The following RBM3 variants were observed in gnomAD, a reference collection of about 807,000 sequenced individuals.
The protein encoded by RBM3 is RNA binding motif protein 3, also known as RNA-binding protein 3.
RBM3 carries 3 observed loss-of-function variants against 12.0 expected under a neutral mutation model. That is an observed-to-expected ratio of 0.25 (90% confidence interval 0.11 to 0.65). RBM3 has a LOEUF of 0.65. Among genes scored for constraint, RBM3 ranks in the 30% least tolerant of loss-of-function variants. The probability of loss-of-function intolerance (pLI) is 0.84; values close to 1 mark genes in which losing one functional copy is unlikely to be tolerated. For synonymous variants in RBM3, 58 were observed against 45.7 expected, an observed-to-expected ratio of 1.27 and a Z score of -1.08; for missense variants, 108 against 134.5, an observed-to-expected ratio of 0.80 and a Z score of 0.97.
rs1348654256 is a variant in RBM3 at position 48,575,354 on chromosome X, T to A, written c.103+71T>A. ...GGGATCCTTGCATTTCAAGGAGTAT[T>A]AACTGAAAAGTTAGGACCCACGCCT... On this transcript the variant is annotated intron_variant, in intron 2 of 6. Coordinates refer to ENST00000376759, the MANE Select transcript of RBM3 (RefSeq NM_006743.5). 9 of 1,015,142 alleles carry A rather than the reference T, an allele frequency of 8.9e-6. No homozygotes were observed. The Admixed American group carries it at 2.0e-4, about 23-fold the overall frequency. The allele number at this position is 1,015,142 out of a possible 1,213,427, so 83.7% of individuals were successfully genotyped here. A position where few individuals can be genotyped will look rare whatever the true frequency, so the allele number is the denominator to read the frequency against.
rs2147209508 is a variant in RBM3 at position 48,578,041 on chromosome X, A to G, written c.*600A>G. 1 of 110,436 alleles carries G rather than the reference A, an allele frequency of 9.1e-6. No individual in the cohort carries two copies. Among genetic ancestry groups the G allele is most frequent in the East Asian group, 2.8e-4 (1 of 3,534 alleles). 9.1% of individuals were successfully genotyped at this position (110,436 alleles called of 1,213,427 possible). A position where few individuals can be genotyped will look rare whatever the true frequency, so the allele number is the denominator to read the frequency against. ...GGTTGCAGTGAGCTAAGATCGCGCC[A>G]CTGTACTCCAGCCTGGGCAACAGCG... On this transcript the variant is annotated 3_prime_UTR_variant, in exon 7 of 7. Transcript: ENST00000376759.
At chrX:48,576,717 G>A (rs781900723) in intron 5 of RBM3, 113 bp downstream of exon 5, 70 of 1,060,642 alleles carry the variant, frequency 6.6e-5, no homozygotes, top group Non-Finnish European at 8.5e-5. Flanking sequence ...TACCTAAAAT[G>A]AGTATGAAAT....
intron 3 of RBM3, chrX:48,575,939 C>T (rs1166287731): frequency 1.8e-6 from 1 of 563,424 alleles, no homozygotes; most frequent in East Asian, 3.6e-5. Context: ...AGTCTGCAGA[C>T]CTGTGGGCCT....
At position 48,579,246 on chromosome X, in the gene RBM3, C is replaced by G. The variant is rs782555495; in HGVS notation, c.*1805C>G. On this transcript the variant is annotated 3_prime_UTR_variant, in exon 7 of 7. Coordinates refer to ENST00000376759, the MANE Select transcript of RBM3 (RefSeq NM_006743.5). ...ACAGAAAAATCTGTTGTATTCATGG[C>G]TTTCACCTGGCTAATACTGAGCTAA... 8.9e-6 allele frequency among the ~76,000 whole-genome samples: 1 copy of G among 111,802 alleles called. No individual in the cohort carries two copies. The highest frequency in any genetic ancestry group is 1.9e-5 in the Non-Finnish European group (1 of 53,143).
rs1431772705 is a variant in RBM3, at chrX:48,575,208, G to A, written c.28G>A (p.Val10Met). 1 of 1,207,817 alleles carries A rather than the reference G, an allele frequency of 8.3e-7. No homozygotes were observed. Among genetic ancestry groups the A allele is most frequent in the Non-Finnish European group, 1.1e-6 (1 of 894,295 alleles). The change falls in exon 2 of 7, where the codon GTG (valine) becomes ATG (methionine). Residue 10 changes from valine to methionine, a missense_variant. Val to Met is a conservative substitution (Grantham distance 21). Coordinates refer to ENST00000376759, the MANE Select transcript of RBM3 (RefSeq NM_006743.5). ...GTCCTCTGAAGAAGGAAAGCTCTTC[G>A]TGGGAGGGCTCAACTTTAACACCGA... MSSEEGKLFVGGLNFNTDEQ... is the reference protein window; with the variant it reads MSSEEGKLFMGGLNFNTDEQ...
rs1317169386 is a variant in RBM3, at chrX:48,574,512, C to T, written c.-75C>T. 6.1e-6 allele frequency: 2 copies of T among 329,935 alleles called. No homozygotes were observed. The highest frequency in any genetic ancestry group is 3.1e-5 in the Admixed American group (1 of 32,091). 27.2% of individuals were successfully genotyped at this position (329,935 alleles called of 1,213,427 possible). A position where few individuals can be genotyped will look rare whatever the true frequency, so the allele number is the denominator to read the frequency against. On this transcript the variant is annotated 5_prime_UTR_variant, in exon 1 of 7. Coordinates refer to ENST00000376759, the MANE Select transcript of RBM3 (RefSeq NM_006743.5). ...AATCGTCTTCCGGCGCAGCCCCGTC[C>T]CTGTTTTTTGTGCTCCTCCGAGCTC...
Position 48,576,569 on chromosome X carries a change from A to G in RBM3, c.378A>G (p.Gly126=), listed in dbSNP as rs2062081100. ...RYYDSRPGGY[G]YGYGRSRDYN... ...ATGACAGTCGACCTGGAGGGTATGG[A>G]TATGGATATGGACGTTCCAGAGACT... is the stretch of plus-strand genomic sequence containing the variant. Residue 126 remains glycine (G), a synonymous_variant, in exon 5 of 7, where the codon GGA becomes GGG. Coordinates refer to ENST00000376759, the MANE Select transcript of RBM3 (RefSeq NM_006743.5). 13 of 1,179,766 alleles carry G rather than the reference A, an allele frequency of 1.1e-5. No individual in the cohort carries two copies. The highest frequency in any genetic ancestry group is 1.5e-5 in the Non-Finnish European group (13 of 879,047).
At chrX:48,574,673 A>G (rs782718972) in intron 1 of RBM3, 100 bp downstream of exon 1, 22 of 331,063 alleles carry the variant, frequency 6.6e-5, no homozygotes, top group South Asian at 5.4e-4. Flanking sequence ...ATGGCCACTG[A>G]CACGTAGGCT....
At position 48,577,625 on chromosome X, in the gene RBM3, CT is replaced by C. The variant is rs1305083836; in HGVS notation, c.*193del. On this transcript the variant is annotated 3_prime_UTR_variant, in exon 7 of 7. Coordinates refer to ENST00000376759, the MANE Select transcript of RBM3 (RefSeq NM_006743.5). ...CTGAAGACCTTTTAGACAGTTCCAT[CT>C]TTTTTTTTAAATTTTTTCTGCCTAT... 6.7e-4 allele frequency: 255 copies of C among 380,565 alleles called. No individual in the cohort carries two copies. The highest frequency in any genetic ancestry group is 1.0e-3 in the East Asian group (7 of 6,910). 31.4% of individuals were successfully genotyped at this position (380,565 alleles called of 1,213,427 possible).
At position 48,576,598 on chromosome X, in the gene RBM3, A is replaced by G. The variant is rs782764706; in HGVS notation, c.407A>G (p.Asn136Ser). The change falls in exon 5 of 7, where the codon AAT becomes AGT. Residue 136 changes from asparagine to serine, a missense_variant. Coordinates refer to ENST00000376759, the MANE Select transcript of RBM3 (RefSeq NM_006743.5). ...GYGYGRSRDY[N>S]GRNQGGYDRY... ...GGATATGGACGTTCCAGAGACTATA[A>G]TGGCAGGTGGGTAGCCAAAGGGCTG... 2 of 1,174,171 alleles carry G rather than the reference A, an allele frequency of 1.7e-6. No homozygotes were observed. The highest frequency in any genetic ancestry group is 2.5e-5 in the Admixed American group (1 of 39,679).
chrX:48,581,066 TGGGGGCGGGGG>T lies in RBM3; in HGVS notation c.*3630_*3640del, dbSNP rs1414739660. The T allele has an allele frequency of 1.2e-3, 2 of 1,613 alleles. No homozygotes were observed. Among genetic ancestry groups the T allele is most frequent in the African/African-American group, 3.6e-3 (1 of 279 alleles). 0.1% of individuals were successfully genotyped at this position (1,613 alleles called of 1,213,427 possible). ...TTACTTAGAGGAAGTGCCCTGGATC[TGGGGGCGGGGG>T]GGGGCGGGGGGAATGGGTCTTTTCT... On this transcript the variant is annotated 3_prime_UTR_variant, in exon 7 of 7. Coordinates refer to ENST00000376759, the MANE Select transcript of RBM3 (RefSeq NM_006743.5).
chrX:48,579,356 T>C lies in RBM3; in HGVS notation c.*1915T>C, dbSNP rs1023259319. On this transcript the variant is annotated 3_prime_UTR_variant, in exon 7 of 7. Transcript: ENST00000376759. ...GGTGCGTTGTGGAACCCTGTATTAT[T>C]AGTTCCAGTCCTGGAGGCCTGCCTC... is the stretch of plus-strand genomic sequence containing the variant. Among the ~76,000 whole-genome samples, 4 of 112,147 alleles carry C rather than the reference T, an allele frequency of 3.6e-5. No homozygotes were observed. The highest frequency in any genetic ancestry group is 1.3e-4 in the African/African-American group (4 of 30,903).
chrX:48,576,115 C>T lies in RBM3; in HGVS notation c.211-199C>T, dbSNP rs1390430307. 13 of 1,152,430 alleles carry T rather than the reference C, an allele frequency of 1.1e-5. No individual in the cohort carries two copies. The East Asian group carries it at 2.0e-4, about 17-fold the overall frequency. The allele number at this position is 1,152,430 out of a possible 1,213,427, so 95.0% of individuals were successfully genotyped here. On this transcript the variant is annotated intron_variant, in intron 3 of 6. Transcript: ENST00000376759. ...AGTAGCAAGGGGAACATGGTGCATT[C>T]AGGTCATTTTGTGTGGGATTCTATA...
chrX:48,576,608 G>T lies in RBM3; in HGVS notation c.413+4G>T. 1.7e-6 allele frequency: 2 copies of T among 1,168,648 alleles called. No homozygotes were observed. The highest frequency in any genetic ancestry group is 2.3e-6 in the Non-Finnish European group (2 of 873,819). ...GTTCCAGAGACTATAATGGCAGGTG[G>T]GTAGCCAAAGGGCTGGGATGTTCTC... On this transcript the variant is annotated splice_donor_region_variant and intron_variant, in intron 5 of 6. Transcript: ENST00000376759.
rs1400894210 is a variant in RBM3, at chrX:48,580,880, T to C, written c.*3439T>C. The C allele has an allele frequency of 9.0e-6, 1 of 111,552 alleles. No individual in the cohort carries two copies. The highest frequency in any genetic ancestry group is 1.9e-5 in the Non-Finnish European group (1 of 53,141). The allele number at this position is 111,552 out of a possible 1,213,427, so 9.2% of individuals were successfully genotyped here. A position where few individuals can be genotyped will look rare whatever the true frequency, so the allele number is the denominator to read the frequency against. ...AACATTGGTTGACAATAAGCCAGTGTTCTGCCATTCTTACCTGCTTATCAA... is the reference window on the plus strand; with the variant it reads ...AACATTGGTTGACAATAAGCCAGTGCTCTGCCATTCTTACCTGCTTATCAA... On this transcript the variant is annotated 3_prime_UTR_variant, in exon 7 of 7. Transcript: ENST00000376759.
At position 48,575,296 on chromosome X, in the gene RBM3, A is replaced by G; in HGVS notation, c.103+13A>G. On this transcript the variant is annotated intron_variant, in intron 2 of 6. Coordinates refer to ENST00000376759, the MANE Select transcript of RBM3 (RefSeq NM_006743.5). ...CCTATCTCTGAGGGTGAGACGGGCC[A>G]TACTCACAATGGGGGTTGGTGAGAG... The G allele has an allele frequency of 5.1e-6, 6 of 1,169,065 alleles. No homozygotes were observed. In the South Asian group the frequency reaches 7.3e-5, roughly 14 times the overall value.
rs2062092409 is a variant in RBM3 at position 48,578,889 on chromosome X, A to G, written c.*1448A>G. Reference sequence around the variant, plus strand: ...AGAGGCCTGGTTTGAAAACAATGCTAAGAGCTCAGATTCCAGGATTTATGT... The same window carrying G: ...AGAGGCCTGGTTTGAAAACAATGCTGAGAGCTCAGATTCCAGGATTTATGT... On this transcript the variant is annotated 3_prime_UTR_variant, in exon 7 of 7. Transcript: ENST00000376759. 8.9e-6 allele frequency: 1 copy of G among 111,802 alleles called. No individual in the cohort carries two copies. Among genetic ancestry groups the G allele is most frequent in the African/African-American group, 3.2e-5 (1 of 30,770 alleles). 9.2% of individuals were successfully genotyped at this position (111,802 alleles called of 1,213,427 possible).
chrX:48,577,147 T>TCA, intron 6 of RBM3, 38 bp downstream of exon 6: 3 of 1,207,988 alleles, frequency 2.5e-6, no homozygotes, highest in Non-Finnish European at 3.4e-6. Flanking sequence ...AACCTGTTTG[T>TCA]CACACTCTGT....
At chrX:48,577,289 AG>A in intron 6 of RBM3, 175 bp from the exon 7 acceptor site, 1 of 1,045,247 alleles carries the variant, frequency 9.6e-7, no homozygotes, top group Non-Finnish European at 1.3e-6. Flanking sequence ...CAAGTTTGCT[AG>A]GGGGTGGGAT....
Sources: gnomAD v4.1 joint callset for allele counts (sites outside exome capture counted in the v4.1 genomes callset) on GRCh38, gnomAD v4.1.1 for gene constraint, MANE v1.5 for transcripts, NCBI Gene and HGNC (gene_info 2026-07-23, HGNC 2026-07-21) for gene names.